The following GRID2 variants were observed in gnomAD, a reference collection of about 807,000 sequenced individuals.
GRID2 encodes glutamate receptor ionotropic, delta-2.
GRID2 carries 33 observed loss-of-function variants against 114.8 expected under a neutral mutation model. That is an observed-to-expected ratio of 0.29 (90% confidence interval 0.22 to 0.38). GRID2 has a LOEUF of 0.38. GRID2 is among the 10% of genes least tolerant of loss of function. GRID2 has a pLI of 1.00. For missense variants in GRID2, 1,184 were observed against 1,257.7 expected, an observed-to-expected ratio of 0.94 and a Z score of 0.89; for synonymous variants, 505 against 449.9, an observed-to-expected ratio of 1.12 and a Z score of -1.55.
Position 93,662,312 on chromosome 4 carries a change from A to G in GRID2, c.2360+35877A>G, listed in dbSNP as rs1307022388. Among the ~76,000 whole-genome samples, 7 of 152,250 alleles carry G rather than the reference A, an allele frequency of 4.6e-5. No homozygotes were observed. In the East Asian group the frequency reaches 1.4e-3, roughly 29 times the overall value. On this transcript the variant is annotated intron_variant, in intron 14 of 15. Transcript: ENST00000282020. ...CTTTGTTGTTCTCTATGGCACCACC[A>G]CCACCTGGCACACTATAAATATTAT...
chr4:93,018,159 TTTGCTGCAA>T (rs944547955), intron 2 of GRID2, among the ~76,000 whole-genome samples: 10 of 151,430 alleles, frequency 6.6e-5, no homozygotes, highest in African/African-American at 2.4e-4. Flanking sequence ...AGAACAAAAT[TTTGCTGCAA>T]TTTATGAAGA....
chr4:93,303,032 A>C (rs946168893), intron 8 of GRID2, among the ~76,000 whole-genome samples: 3 of 152,196 alleles, frequency 2.0e-5, no homozygotes, highest in African/African-American at 2.4e-5. Flanking sequence ...GGACACTTAC[A>C]TCATGGAGGG....
At chr4:92,902,031 A>T (rs1408552503) in intron 2 of GRID2, among the ~76,000 whole-genome samples, 11 of 152,224 alleles carry the variant, frequency 7.2e-5, no homozygotes, top group South Asian at 4.1e-4. Context: ...TTGTTAGTAC[A>T]GATTTAACCT....
At chr4:93,131,986 A>C (rs1393201699) in intron 4 of GRID2, among the ~76,000 whole-genome samples, 2 of 152,140 alleles carry the variant, frequency 1.3e-5, no homozygotes, top group Non-Finnish European at 1.5e-5. Flanking sequence ...TTCTTTAGTC[A>C]TTTATTCCCA....
chr4:93,561,398 G>A (rs951176767), intron 13 of GRID2, among the ~76,000 whole-genome samples: 1 of 151,858 alleles, frequency 6.6e-6, no homozygotes, highest in Non-Finnish European at 1.5e-5. Flanking sequence ...GGTAGTTTTA[G>A]GTTTACGGCA....
chr4:93,679,376 GA>G (rs1445529111), intron 14 of GRID2, among the ~76,000 whole-genome samples: 2 of 150,780 alleles, frequency 1.3e-5, no homozygotes, highest in East Asian at 3.9e-4. Flanking sequence ...CAACGAGACA[GA>G]AAGTTAACAA....
intron 2 of GRID2, among the ~76,000 whole-genome samples, chr4:92,624,462 C>T (rs1171867594): frequency 6.6e-6 from 1 of 151,792 alleles, no homozygotes; most frequent in Non-Finnish European, 1.5e-5. Context: ...TTGTGGTTAG[C>T]ATGTTGTGTC....
chr4:93,196,788 TTCC>T (rs1196763293), intron 4 of GRID2, among the ~76,000 whole-genome samples: 1 of 152,140 alleles, frequency 6.6e-6, no homozygotes, highest in African/African-American at 2.4e-5. Flanking sequence ...CTTTTTTGTT[TTCC>T]TCCTCTGGTG....
At chr4:93,658,804 A>G (rs545307273) in intron 14 of GRID2, among the ~76,000 whole-genome samples, 6 of 152,318 alleles carry the variant, frequency 3.9e-5, no homozygotes, top group Non-Finnish European at 7.3e-5. Context: ...ATAGTGTTCA[A>G]TCTCCAGCGA....
intron 8 of GRID2, among the ~76,000 whole-genome samples, chr4:93,389,513 G>A (rs1195320090): frequency 6.6e-6 from 1 of 152,088 alleles, no homozygotes; most frequent in Non-Finnish European, 1.5e-5. Flanking sequence ...GACAGCAGGA[G>A]TTTTAAATCA....
intron 1 of GRID2, among the ~76,000 whole-genome samples, chr4:92,425,017 CA>C (rs1389815789): frequency 1.3e-5 from 2 of 151,734 alleles, no homozygotes; most frequent in Admixed American, 6.6e-5. Context: ...ATTTTTAAGG[CA>C]GTTAAATTTT....
chr4:93,745,499 CT>C (rs201508379), intron 14 of GRID2, among the ~76,000 whole-genome samples: 21 of 148,550 alleles, frequency 1.4e-4, no homozygotes, highest in Middle Eastern at 3.5e-3. Flanking sequence ...GATGAGGAAT[CT>C]TTTTTTTTTG....
At chr4:92,741,493 C>G (rs1384941614) in intron 2 of GRID2, among the ~76,000 whole-genome samples, 1 of 152,134 alleles carries the variant, frequency 6.6e-6, no homozygotes, top group Non-Finnish European at 1.5e-5. Flanking sequence ...TACATGCCAT[C>G]CAAACTAAAC....
At chr4:93,234,121 A>G (rs972690024) in intron 7 of GRID2, among the ~76,000 whole-genome samples, 1 of 152,166 alleles carries the variant, frequency 6.6e-6, no homozygotes, top group African/African-American at 2.4e-5. Context: ...CTTGAAATAT[A>G]AGGTAGCCTT....
chr4:93,649,273 T>TA (rs1462282741), intron 14 of GRID2, among the ~76,000 whole-genome samples: 3 of 152,208 alleles, frequency 2.0e-5, no homozygotes, highest in Non-Finnish European at 4.4e-5. Flanking sequence ...AACAGTGCTT[T>TA]GCCTATAGGA....
intron 11 of GRID2, among the ~76,000 whole-genome samples, chr4:93,465,875 C>A (rs1160582742): frequency 6.6e-6 from 1 of 152,092 alleles, no homozygotes; most frequent in Non-Finnish European, 1.5e-5. Flanking sequence ...TGAAAAACTA[C>A]AAAAACATTT....
chr4:93,233,318 T>C (rs1746352942), intron 7 of GRID2, among the ~76,000 whole-genome samples: 1 of 107,170 alleles, frequency 9.3e-6, no homozygotes, highest in South Asian at 3.2e-4. Context: ...TGAAGGATTA[T>C]TATTATTATT....
intron 2 of GRID2, among the ~76,000 whole-genome samples, chr4:93,056,221 T>C (rs1433566987): frequency 2.0e-5 from 3 of 151,942 alleles, no homozygotes; most frequent in African/African-American, 7.2e-5. Flanking sequence ...GTTCGAGTTA[T>C]AGATGTTGTT....
At chr4:93,517,951 G>A (rs62319478) in intron 13 of GRID2, among the ~76,000 whole-genome samples, 76 of 32,680 alleles carry the variant, frequency 2.3e-3, no homozygotes, top group Admixed American at 3.7e-3. Context: ...ATACATACAT[G>A]TATATGTATG....
Sources: gnomAD v4.1 joint callset for allele counts (sites outside exome capture counted in the v4.1 genomes callset) on GRCh38, gnomAD v4.1.1 for gene constraint, MANE v1.5 for transcripts, NCBI Gene and HGNC (gene_info 2026-07-23, HGNC 2026-07-21) for gene names.